DCLK2: variants seen among roughly 807,000 people sequenced by gnomAD.
DCLK2 encodes the protein serine/threonine-protein kinase DCLK2.
In DCLK2, 31 loss-of-function variants were observed where a neutral mutation model predicts 78.4. The observed-to-expected ratio is 0.40, with a 90% CI of 0.30 to 0.53. DCLK2 has a LOEUF of 0.53. Among genes scored for constraint, DCLK2 ranks in the 20% least tolerant of loss-of-function variants. DCLK2 has a pLI of 0.61. For synonymous variants in DCLK2, 407 were observed against 374.9 expected (o/e 1.09, Z -0.99); for missense variants, 872 against 973.7 (o/e 0.90, Z 1.39).
Position 150,175,086 on chromosome 4 carries a change from A to ATATTTT in DCLK2, c.757-18049_757-18048insTTTTAT, listed in dbSNP as rs375914117. On this transcript the variant is annotated intron_variant, in intron 2 of 15. Transcript: ENST00000296550. The stretch of plus-strand genomic sequence containing the variant: ...TATTTATATATATTTATATATTTAT[A>ATATTTT]TATATATTTATATATATTTATATAT... 4.5e-4 allele frequency among the ~76,000 whole-genome samples: 17 copies of ATATTTT among 37,990 alleles called. 1 individual carries two copies. Among genetic ancestry groups the ATATTTT allele is most frequent in the Non-Finnish European group, 5.4e-4 (13 of 23,988 alleles). 24.9% of individuals were successfully genotyped at this position (37,990 alleles called of 152,430 possible). A position where few individuals can be genotyped will look rare whatever the true frequency, so the allele number is the denominator to read the frequency against.
chr4:150,116,950 C>T (rs1180341273), intron 2 of DCLK2, among the ~76,000 whole-genome samples: 2 of 152,054 alleles, frequency 1.3e-5, no homozygotes, highest in Non-Finnish European at 2.9e-5. Flanking sequence ...TTGTGTTTGC[C>T]ATATGTTATC....
chr4:150,211,771 A>T (rs1210028790), intron 5 of DCLK2, among the ~76,000 whole-genome samples: 1 of 151,904 alleles, frequency 6.6e-6, no homozygotes, highest in Non-Finnish European at 1.5e-5. Context: ...GCTTCTTTTA[A>T]TGCTCGTCTT....
At chr4:150,248,266 TCTC>T (rs1230244574) in intron 13 of DCLK2, 36 bp from the exon 14 acceptor site, 8 of 1,568,340 alleles carry the variant, frequency 5.1e-6, no homozygotes, top group Non-Finnish European at 7.0e-6. Flanking sequence ...TTACCTCCTT[TCTC>T]CTCCTCTGTG....
chr4:150,153,320 A>T (rs750257754), intron 2 of DCLK2, among the ~76,000 whole-genome samples: 1 of 152,144 alleles, frequency 6.6e-6, no homozygotes, highest in Non-Finnish European at 1.5e-5. Context: ...GGAGTGCTTG[A>T]TATGATCTGA....
At chr4:150,118,222 G>C (rs762005343) in intron 2 of DCLK2, among the ~76,000 whole-genome samples, 1 of 152,030 alleles carries the variant, frequency 6.6e-6, no homozygotes, top group Admixed American at 6.6e-5. Context: ...TGGTAATGAC[G>C]AGGGACAGGT....
intron 2 of DCLK2, among the ~76,000 whole-genome samples, chr4:150,190,290 GATAGATAGGCAGACAGA>G (rs1560851137): frequency 1.4e-5 from 2 of 147,362 alleles, no homozygotes; most frequent in African/African-American, 5.4e-5. Flanking sequence ...TAGATAGATA[GATAGATAGGCAGACAGA>G]CAGACAGACG....
intron 2 of DCLK2, among the ~76,000 whole-genome samples, chr4:150,141,932 G>T (rs915533049): frequency 7.2e-5 from 11 of 152,094 alleles, no homozygotes; most frequent in African/African-American, 2.7e-4. Context: ...CACTAAATTG[G>T]CCAGAACCCT....
At chr4:150,210,948 C>CAAAAAA (rs1406606300) in intron 5 of DCLK2, among the ~76,000 whole-genome samples, 1 of 80,406 alleles carries the variant, frequency 1.2e-5, no homozygotes, top group Non-Finnish European at 2.5e-5. Context: ...GACTCTGTCT[C>CAAAAAA]AAAAAAAAAA....
rs551175017 is a variant in DCLK2, at chr4:150,218,034, G to C, written c.1057-2669G>C. 5.9e-5 allele frequency among the ~76,000 whole-genome samples: 9 copies of C among 152,148 alleles called. No individual in the cohort carries two copies. In the East Asian group the frequency reaches 1.6e-3, roughly 26 times the overall value. ...CTTCGCTTGGCCCCATGCCATGCTC[G>C]CTGTTGCTCGCTCTCACTCTCGCTC... On this transcript the variant is annotated intron_variant, in intron 5 of 15. Transcript: ENST00000296550.
At chr4:150,143,898 T>G (rs909942052) in intron 2 of DCLK2, among the ~76,000 whole-genome samples, 5 of 149,182 alleles carry the variant, frequency 3.4e-5, no homozygotes, top group Non-Finnish European at 6.0e-5. Context: ...AATAGGATTG[T>G]TTTTTTTTTC....
At chr4:150,132,463 G>A (rs1733385048) in intron 2 of DCLK2, among the ~76,000 whole-genome samples, 1 of 152,210 alleles carries the variant, frequency 6.6e-6, no homozygotes, top group Non-Finnish European at 1.5e-5. Flanking sequence ...TCAATGCCAG[G>A]GATGGTACAG....
intron 2 of DCLK2, among the ~76,000 whole-genome samples, chr4:150,103,722 A>T (rs903296824): frequency 6.6e-6 from 1 of 152,208 alleles, no homozygotes; most frequent in African/African-American, 2.4e-5. Flanking sequence ...GGAAAAACAC[A>T]ATCAAATTAG....
chr4:150,100,503 C>T (rs186170314), intron 1 of DCLK2, among the ~76,000 whole-genome samples: 3 of 152,274 alleles, frequency 2.0e-5, no homozygotes, highest in Non-Finnish European at 2.9e-5. Flanking sequence ...GGCTTTCCCC[C>T]AGCTGACTTA....
Position 150,156,314 on chromosome 4 carries a change from C to T in DCLK2, c.757-36824C>T, listed in dbSNP as rs536938516. Among the ~76,000 whole-genome samples the T allele has an allele frequency of 7.2e-5, 11 of 151,998 alleles. No individual in the cohort carries two copies. In the East Asian group the frequency reaches 2.1e-3, roughly 29 times the overall value. ...ATTTCAGACCTCACTGCAGGGAGGA[C>T]ACACTGACCCTGTGTAATAAGAAGG... On this transcript the variant is annotated intron_variant, in intron 2 of 15. Coordinates refer to ENST00000296550, the MANE Select transcript of DCLK2 (RefSeq NM_001040260.4).
At position 150,078,998 on chromosome 4, in the gene DCLK2, C is replaced by T. The variant is rs761801748; in HGVS notation, c.-30C>T. 1.3e-6 allele frequency: 2 copies of T among 1,509,598 alleles called. No individual in the cohort carries two copies. The highest frequency in any genetic ancestry group is 2.7e-5 in the South Asian group (2 of 73,864). The allele number at this position is 1,509,598 out of a possible 1,614,324, so 93.5% of individuals were successfully genotyped here. ...CGCACCCTTAGTCGGCCCGGAACGTCTTTTTGCGGACGCCCTCGGAGCAGC... is the reference window on the plus strand; with the variant it reads ...CGCACCCTTAGTCGGCCCGGAACGTTTTTTTGCGGACGCCCTCGGAGCAGC... On this transcript the variant is annotated 5_prime_UTR_variant, in exon 1 of 16. Transcript: ENST00000296550.
chr4:150,115,032 A>G (rs1289221339), intron 2 of DCLK2, among the ~76,000 whole-genome samples: 1 of 152,112 alleles, frequency 6.6e-6, no homozygotes, highest in Non-Finnish European at 1.5e-5. Context: ...ATGGTTCTTA[A>G]GTTTGGCCAT....
Position 150,248,610 on chromosome 4 carries a change from T to C in DCLK2, c.1956+225T>C, listed in dbSNP as rs1743508247. On this transcript the variant is annotated intron_variant, in intron 14 of 15. Transcript: ENST00000296550. The stretch of plus-strand genomic sequence containing the variant: ...CCCGCGAGTCACCTGGGCAAGTCAC[T>C]GTCCCTTTCTTGGCCCCAGTTTCCT... Among the ~76,000 whole-genome samples, 4 of 152,336 alleles carry C rather than the reference T, an allele frequency of 2.6e-5. 1 individual carries two copies. The South Asian group carries it at 8.3e-4, about 32-fold the overall frequency.
At chr4:150,210,329 C>CA (rs1740196077) in intron 5 of DCLK2, among the ~76,000 whole-genome samples, 2 of 152,064 alleles carry the variant, frequency 1.3e-5, no homozygotes, top group African/African-American at 4.8e-5. Context: ...GTTTTACTTG[C>CA]AAAAAACTAA....
intron 2 of DCLK2, among the ~76,000 whole-genome samples, chr4:150,137,011 G>T (rs1355305840): frequency 7.7e-6 from 1 of 130,344 alleles, no homozygotes; most frequent in Non-Finnish European, 1.6e-5. Context: ...TGAGGTGAGG[G>T]TTTCACTCTG....
Sources: gnomAD v4.1 joint callset for allele counts (sites outside exome capture counted in the v4.1 genomes callset) on GRCh38, gnomAD v4.1.1 for gene constraint, MANE v1.5 for transcripts, NCBI Gene and HGNC (gene_info 2026-07-23, HGNC 2026-07-21) for gene names.